Variants in SLC44A1 observed in about 807,000 individuals in gnomAD.
SLC44A1 encodes the protein solute carrier family 44 member 1.
In SLC44A1, 26 loss-of-function variants were observed where a neutral mutation model predicts 79.3. That is an observed-to-expected ratio of 0.33 (90% CI 0.24 to 0.46). The LOEUF (loss-of-function observed/expected upper bound fraction) is 0.46, where lower values mean the gene tolerates loss of function less well. Ranked by LOEUF, SLC44A1 falls within the 20% of genes least tolerant of loss-of-function variation. SLC44A1 has a pLI of 1.00. For synonymous variants in SLC44A1, 263 were observed against 286.2 expected (o/e 0.92, Z 0.82); for missense variants, 688 against 798.1 (o/e 0.86, Z 1.66).
At chr9:105,416,037 G>C (rs1829166681) in intron 15 of SLC44A1, among the ~76,000 whole-genome samples, 1 of 151,472 alleles carries the variant, frequency 6.6e-6, no homozygotes, top group Admixed American at 6.6e-5. Flanking sequence ...AAGTAGCTGA[G>C]ACTATAGGTG....
intron 1 of SLC44A1, among the ~76,000 whole-genome samples, chr9:105,252,620 C>T (rs1829615968): frequency 6.6e-6 from 1 of 152,116 alleles, no homozygotes; most frequent in Non-Finnish European, 1.5e-5. Flanking sequence ...AGTAATGGAC[C>T]AGTCAGATTT....
At chr9:105,408,248 C>T (rs1400646458) in intron 15 of SLC44A1, among the ~76,000 whole-genome samples, 1 of 151,976 alleles carries the variant, frequency 6.6e-6, no homozygotes, top group Non-Finnish European at 1.5e-5. Flanking sequence ...GTAGACCTGC[C>T]CTATGAGAAA....
chr9:105,392,409 T>C lies in SLC44A1; in HGVS notation c.*3353T>C, dbSNP rs932144864. The C allele has an allele frequency of 0.011, 1,379 of 123,856 alleles. 17 individuals are homozygous for C. The African/African-American group carries it at 0.14, about 12-fold the overall frequency. The allele number at this position is 123,856 out of a possible 1,614,324, so 7.7% of individuals were successfully genotyped here. A position where few individuals can be genotyped will look rare whatever the true frequency, so the allele number is the denominator to read the frequency against. On this transcript the variant is annotated 3_prime_UTR_variant, in exon 16 of 16. Transcript: ENST00000374720. ...ATGCTCTCTCTCTCTCTCTCTTTTT[T>C]TTTTTTTTTTTTTTTTTTTTTCCGT...
chr9:105,319,862 G>T (rs1826329904), intron 3 of SLC44A1, among the ~76,000 whole-genome samples: 1 of 152,118 alleles, frequency 6.6e-6, no homozygotes, highest in Admixed American at 6.5e-5. Flanking sequence ...ATATTTCATT[G>T]TTATAGTTTT....
At position 105,365,526 on chromosome 9, in the gene SLC44A1, A is replaced by T. The variant is rs1202090641; in HGVS notation, c.1297A>T (p.Asn433Tyr). Residue 433 changes from asparagine to tyrosine, a missense_variant, in exon 11 of 16, where the codon AAT (asparagine) becomes TAT (tyrosine). Asn to Tyr is a moderately radical substitution (Grantham distance 143, BLOSUM62 -2). Transcript: ENST00000374720. ...ATTTACACCTATTTTGGCATCAGTA[A>T]ATCGCCTTATTCGTTACCACCTAGG... is the stretch of plus-strand genomic sequence containing the variant. ...LPFTPILASV[N>Y]RLIRYHLGTV... 1 of 1,613,630 alleles carries T rather than the reference A, an allele frequency of 6.2e-7. No homozygotes were observed. Among genetic ancestry groups the T allele is most frequent in the Non-Finnish European group, 8.5e-7 (1 of 1,179,640 alleles).
At chr9:105,258,327 G>T (rs1329522765) in intron 1 of SLC44A1, among the ~76,000 whole-genome samples, 2 of 152,186 alleles carry the variant, frequency 1.3e-5, no homozygotes, top group African/African-American at 4.8e-5. Context: ...TTCAGAAAAT[G>T]CTTTAAGTCA....
At chr9:105,308,550 G>A (rs1564428198) in intron 2 of SLC44A1, among the ~76,000 whole-genome samples, 1 of 152,184 alleles carries the variant, frequency 6.6e-6, no homozygotes, top group Admixed American at 6.5e-5. Context: ...CACAATGAAA[G>A]TACAGGGCTT....
intron 8 of SLC44A1, among the ~76,000 whole-genome samples, chr9:105,361,982 T>C (rs1436774138): frequency 6.6e-6 from 1 of 152,186 alleles, no homozygotes; most frequent in Non-Finnish European, 1.5e-5. Flanking sequence ...GCCATGATTG[T>C]GTCACTGCAT....
At chr9:105,424,054 A>G (rs1829289123) in intron 15 of SLC44A1, among the ~76,000 whole-genome samples, 1 of 152,236 alleles carries the variant, frequency 6.6e-6, no homozygotes, top group South Asian at 2.1e-4. Flanking sequence ...TAAAACACAT[A>G]TGTACAGTAT....
In SLC44A1 at chr9:105,397,067, T is replaced by C; in HGVS notation, c.*8011T>C. On this transcript the variant is annotated 3_prime_UTR_variant, in exon 16 of 16. Coordinates refer to ENST00000374720, the MANE Select transcript of SLC44A1 (RefSeq NM_080546.5). ...AATATGTATATTAAGCAATTAACTTTCTGGAGTTGGAGTTATCAAATCTTG... is the reference window on the plus strand; with the variant it reads ...AATATGTATATTAAGCAATTAACTTCCTGGAGTTGGAGTTATCAAATCTTG... The C allele has an allele frequency of 1.0e-6, 1 of 985,346 alleles. No homozygotes were observed. The highest frequency in any genetic ancestry group is 1.2e-6 in the Non-Finnish European group (1 of 829,850). The allele number at this position is 985,346 out of a possible 1,614,324, so 61.0% of individuals were successfully genotyped here.
chr9:105,290,707 T>C (rs895675386), intron 1 of SLC44A1, among the ~76,000 whole-genome samples: 2 of 152,220 alleles, frequency 1.3e-5, no homozygotes, highest in African/African-American at 4.8e-5. Context: ...ATGAAGTCAT[T>C]GGCAATTTAT....
chr9:105,430,097 A>G (rs777860113), intron 15 of SLC44A1, among the ~76,000 whole-genome samples: 1 of 151,938 alleles, frequency 6.6e-6, no homozygotes, highest in Non-Finnish European at 1.5e-5. Context: ...TTGTAGAGAC[A>G]TGGTCCCTCT....
chr9:105,373,814 T>C (rs934648589), intron 12 of SLC44A1, among the ~76,000 whole-genome samples: 1 of 152,166 alleles, frequency 6.6e-6, no homozygotes, highest in Non-Finnish European at 1.5e-5. Context: ...CAAGAGAACC[T>C]ATGGAAGAGA....
chr9:105,429,718 A>G (rs1829367833), intron 15 of SLC44A1, among the ~76,000 whole-genome samples: 1 of 152,194 alleles, frequency 6.6e-6, no homozygotes, highest in Non-Finnish European at 1.5e-5. Flanking sequence ...TCATCATCCA[A>G]GATTTAGAAT....
At chr9:105,423,238 C>A (rs1017884231) in intron 15 of SLC44A1, among the ~76,000 whole-genome samples, 2 of 152,120 alleles carry the variant, frequency 1.3e-5, no homozygotes, top group South Asian at 2.1e-4. Flanking sequence ...GTCGGGTGGG[C>A]GGATCACCTG....
intron 1 of SLC44A1, among the ~76,000 whole-genome samples, chr9:105,276,903 T>A (rs1272267842): frequency 6.6e-6 from 1 of 152,082 alleles, no homozygotes; most frequent in Non-Finnish European, 1.5e-5. Context: ...CAGGAAGATA[T>A]TATGGGGTTT....
intron 3 of SLC44A1, among the ~76,000 whole-genome samples, chr9:105,310,434 A>G (rs1831146820): frequency 6.6e-6 from 1 of 152,126 alleles, no homozygotes; most frequent in African/African-American, 2.4e-5. Context: ...AAGGGCTATC[A>G]TTTTGTTTTT....
intron 15 of SLC44A1, among the ~76,000 whole-genome samples, chr9:105,406,491 A>G (rs374599518): frequency 4.7e-4 from 72 of 152,232 alleles, no homozygotes; most frequent in African/African-American, 1.6e-3. Flanking sequence ...CTATAATCTC[A>G]ATACCTTGGG....
chr9:105,431,235 A>G (rs1829389160), intron 15 of SLC44A1, among the ~76,000 whole-genome samples: 1 of 152,214 alleles, frequency 6.6e-6, no homozygotes, highest in Non-Finnish European at 1.5e-5. Context: ...TATGTCATAT[A>G]TGGAGTATAT....
Sources: allele counts gnomAD v4.1 joint callset (sites outside exome capture counted in the v4.1 genomes callset), GRCh38; gene constraint gnomAD v4.1.1; transcripts MANE v1.5; gene names NCBI Gene and HGNC (gene_info 2026-07-23, HGNC 2026-07-21).